The following ACACA variants were observed in gnomAD, a reference collection of about 807,000 sequenced individuals.
ACACA encodes the protein acetyl-CoA carboxylase alpha.
ACACA carries 103 observed loss-of-function variants against 296.1 expected under a neutral mutation model. That is an observed-to-expected ratio of 0.35 (90% CI 0.30 to 0.41). ACACA has a LOEUF of 0.41. Among genes scored for constraint, ACACA ranks in the 10% least tolerant of loss-of-function variants. The pLI is 1.00. For missense variants in ACACA, 1,554 were observed against 2,989.7 expected, an observed-to-expected ratio of 0.52 and a Z score of 11.20; for synonymous variants, 953 against 1,038.6, an observed-to-expected ratio of 0.92 and a Z score of 1.58.
intron 1 of ACACA, among the ~76,000 whole-genome samples, chr17:37,381,927 A>G (rs1386078091): frequency 6.6e-6 from 1 of 151,910 alleles, no homozygotes; most frequent in Non-Finnish European, 1.5e-5. Flanking sequence ...GCACCCGGCC[A>G]TGTCTCTTCT....
chr17:37,402,302 T>A (rs966773081), intron 1 of ACACA, among the ~76,000 whole-genome samples: 1 of 151,984 alleles, frequency 6.6e-6, no homozygotes, highest in Admixed American at 6.6e-5. Context: ...AAGGAAGTGA[T>A]GTCTAAGTGA....
chr17:37,167,275 T>C (rs1370478407), intron 41 of ACACA, among the ~76,000 whole-genome samples: 10 of 146,496 alleles, frequency 6.8e-5, no homozygotes, highest in Non-Finnish European at 1.2e-4. Flanking sequence ...ATTTTCTTTT[T>C]TTTTTTTTTT....
chr17:37,339,902 T>C (rs1051545417), intron 1 of ACACA, 52 bp from the exon 2 acceptor site: 1 of 936,322 alleles, frequency 1.1e-6, no homozygotes, highest in Non-Finnish European at 1.7e-6. Flanking sequence ...AAACAAACTT[T>C]TGTCAATTCC....
At chr17:37,383,150 C>G (rs1358890250) in intron 1 of ACACA, among the ~76,000 whole-genome samples, 1 of 152,138 alleles carries the variant, frequency 6.6e-6, no homozygotes, top group African/African-American at 2.4e-5. Flanking sequence ...CTGTCCATGG[C>G]AGCTGTGTTG....
At chr17:37,288,427 C>G in intron 3 of ACACA, among the ~76,000 whole-genome samples, 1 of 152,080 alleles carries the variant, frequency 6.6e-6, no homozygotes, top group Non-Finnish European at 1.5e-5. Flanking sequence ...CCATATGACT[C>G]CATTTATATG....
At chr17:37,362,831 C>G (rs745609191) in intron 1 of ACACA, among the ~76,000 whole-genome samples, 1 of 152,010 alleles carries the variant, frequency 6.6e-6, no homozygotes, top group Non-Finnish European at 1.5e-5. Flanking sequence ...AAAAATTAGC[C>G]AGATGTGGTG....
intron 35 of ACACA, among the ~76,000 whole-genome samples, chr17:37,198,666 C>T (rs1328805691): frequency 3.9e-5 from 6 of 152,204 alleles, no homozygotes; most frequent in Non-Finnish European, 7.3e-5. Flanking sequence ...TGCTTGATTT[C>T]CTGACATCAA....
At chr17:37,237,025 G>A (rs577472435) in intron 24 of ACACA, among the ~76,000 whole-genome samples, 106 of 151,990 alleles carry the variant, frequency 7.0e-4, no homozygotes, top group Non-Finnish European at 1.3e-3. Context: ...CAACTACTAA[G>A]CTGAATTTTA....
At chr17:37,382,634 G>A (rs2050347854) in intron 1 of ACACA, among the ~76,000 whole-genome samples, 2 of 152,264 alleles carry the variant, frequency 1.3e-5, no homozygotes, top group South Asian at 4.1e-4. Flanking sequence ...GGCCGAGGCA[G>A]GCGGATCATG....
chr17:37,139,005 A>G (rs1278488318), intron 45 of ACACA, among the ~76,000 whole-genome samples: 2 of 151,984 alleles, frequency 1.3e-5, no homozygotes, highest in African/African-American at 4.8e-5. Flanking sequence ...TGATAAGCTA[A>G]TTTACTTGGG....
chr17:37,135,562 A>G (rs895245), intron 45 of ACACA, among the ~76,000 whole-genome samples: 51,505 of 152,106 alleles, frequency 0.34, 12,360 homozygotes, highest in African/African-American at 0.67. Context: ...AAGGGGTGGT[A>G]CTGTCAGTGG....
chr17:37,104,148 A>C (rs1341671143), intron 52 of ACACA, among the ~76,000 whole-genome samples: 1 of 152,172 alleles, frequency 6.6e-6, no homozygotes, highest in Admixed American at 6.5e-5. Context: ...AAATCTCGTA[A>C]TGTTTTAAGA....
rs1002697770 is a variant in ACACA, at chr17:37,121,284, T to G, written c.6274+71A>C. 3.1e-6 allele frequency: 5 copies of G among 1,607,142 alleles called. No individual in the cohort carries two copies. In the African/African-American group the frequency reaches 5.3e-5, roughly 17 times the overall value. ...GGACACCCACAGATTCTGCTGAATC[T>G]ATACCCTCCCTCTGCCGCAGAGTGC... On this transcript the variant is annotated intron_variant, in intron 50 of 55. Coordinates refer to ENST00000616317, the MANE Select transcript of ACACA (RefSeq NM_198834.3).
At chr17:37,276,138 G>C in intron 7 of ACACA, 89 bp from the exon 8 acceptor site, 1 of 966,970 alleles carries the variant, frequency 1.0e-6, no homozygotes, top group Non-Finnish European at 1.7e-6. Context: ...AGCTATTTAT[G>C]TATTTGTCTT....
At chr17:37,173,979 AATTTATATATATATAT>A (rs2076972427) in intron 41 of ACACA, among the ~76,000 whole-genome samples, 6 of 41,854 alleles carry the variant, frequency 1.4e-4, no homozygotes, top group African/African-American at 4.7e-4. Context: ...ACGCCTGGCT[AATTTATATATATATAT>A]ATATATATAT....
intron 41 of ACACA, among the ~76,000 whole-genome samples, chr17:37,174,011 TATA>T (rs2077003751): frequency 2.1e-3 from 37 of 17,214 alleles, no homozygotes; most frequent in Non-Finnish European, 3.1e-3. Context: ...TATATATATA[TATA>T]TATATATTTT....
intron 3 of ACACA, among the ~76,000 whole-genome samples, chr17:37,309,665 G>A (rs2084041210): frequency 6.6e-6 from 1 of 152,040 alleles, no homozygotes; most frequent in Non-Finnish European, 1.5e-5. Context: ...TATCTTTTCA[G>A]GGGAACTGAA....
At chr17:37,128,422 CTCTT>C (rs113265193) in intron 47 of ACACA, among the ~76,000 whole-genome samples, 4,972 of 152,286 alleles carry the variant, frequency 0.033, 219 homozygotes, top group African/African-American at 0.1. Flanking sequence ...ATGAAGACCT[CTCTT>C]TCAGCAAGAT....
intron 1 of ACACA, among the ~76,000 whole-genome samples, chr17:37,377,248 T>C (rs2050040181): frequency 6.6e-6 from 1 of 152,166 alleles, no homozygotes; most frequent in Non-Finnish European, 1.5e-5. Flanking sequence ...AGACTTTCAT[T>C]AACTTAGTAA....
Sources: allele counts gnomAD v4.1 joint callset (sites outside exome capture counted in the v4.1 genomes callset), GRCh38; gene constraint gnomAD v4.1.1; transcripts MANE v1.5; gene names NCBI Gene and HGNC (gene_info 2026-07-23, HGNC 2026-07-21).